DTNA: variants seen among roughly 807,000 people sequenced by gnomAD.
The protein encoded by DTNA is dystrophin-related protein 3.
DTNA carries 43 observed loss-of-function variants against 100.7 expected under a neutral mutation model. The observed-to-expected ratio is 0.43, with a 90% CI of 0.33 to 0.55. The LOEUF (loss-of-function observed/expected upper bound fraction) is 0.55, where lower values mean the gene tolerates loss of function less well. Among genes scored for constraint, DTNA ranks in the 20% least tolerant of loss-of-function variants. The pLI is 0.04. For missense variants in DTNA, 798 were observed against 953.9 expected (o/e 0.84, Z 2.15); for synonymous variants, 349 against 347.9 (o/e 1.00, Z -0.04).
rs623966 is a variant in DTNA, at chr18:34,881,932, A to G, written c.2163-137A>G. 0.19 allele frequency: 218,879 copies of G among 1,163,812 alleles called. 23,052 individuals are homozygous for G. The highest frequency in any genetic ancestry group is 0.36 in the African/African-American group (23,337 of 65,290). 72.1% of individuals were successfully genotyped at this position (1,163,812 alleles called of 1,614,324 possible). On this transcript the variant is annotated intron_variant, in intron 20 of 22. Transcript: ENST00000444659. ...TGTTTCCAAGTTTTTTTTAGGTATT[A>G]CTAAAGAAGACATGAAAGTGACTTG...
At chr18:34,846,445 C>T (rs947717133) in intron 13 of DTNA, among the ~76,000 whole-genome samples, 2 of 152,094 alleles carry the variant, frequency 1.3e-5, no homozygotes, top group Non-Finnish European at 2.9e-5. Context: ...TACATTATCT[C>T]ATTTGAGCAA....
rs1462269448 is a variant in DTNA at position 34,879,537 on chromosome 18, A to G, written c.1994-14A>G. On this transcript the variant is annotated splice_polypyrimidine_tract_variant and intron_variant, in intron 19 of 22. Coordinates refer to ENST00000444659, the MANE Select transcript of DTNA (RefSeq NM_001386795.1). ...TAACGAGTCATTCTTTATTTCTTCA[A>G]TTGTATCTGCTAGAGGTTGGGAGTG... 6.2e-7 allele frequency: 1 copy of G among 1,613,804 alleles called. No homozygotes were observed. The highest frequency in any genetic ancestry group is 8.5e-7 in the Non-Finnish European group (1 of 1,179,896).
At chr18:34,634,798 C>T (rs568114940) in intron 1 of DTNA, among the ~76,000 whole-genome samples, 2 of 152,206 alleles carry the variant, frequency 1.3e-5, no homozygotes, top group South Asian at 4.1e-4. Context: ...CTAACATATG[C>T]ACTACCTCCT....
intron 1 of DTNA, among the ~76,000 whole-genome samples, chr18:34,712,919 A>G (rs1407128646): frequency 2.0e-5 from 3 of 152,154 alleles, no homozygotes; most frequent in African/African-American, 7.2e-5. Flanking sequence ...CTAAAAAATT[A>G]ATGATATTTA....
At chr18:34,868,274 T>A in intron 17 of DTNA, 1 of 239,964 alleles carries the variant, frequency 4.2e-6, no homozygotes, top group African/African-American at 2.3e-5. Context: ...GGGAGCTTTA[T>A]AGGAGTACTG....
chr18:34,519,858 A>G (rs1459420101), intron 1 of DTNA, among the ~76,000 whole-genome samples: 2 of 152,116 alleles, frequency 1.3e-5, no homozygotes, highest in Admixed American at 6.5e-5. Context: ...AGGTAAAGAA[A>G]GTTTTCTCAA....
At chr18:34,578,081 C>T (rs540781730) in intron 1 of DTNA, among the ~76,000 whole-genome samples, 102 of 152,082 alleles carry the variant, frequency 6.7e-4, no homozygotes, top group African/African-American at 2.1e-3. Flanking sequence ...TACATTCCCA[C>T]CAGCAGTGTA....
intron 1 of DTNA, among the ~76,000 whole-genome samples, chr18:34,728,655 C>A (rs1049957441): frequency 3.3e-5 from 5 of 152,130 alleles, no homozygotes; most frequent in African/African-American, 1.2e-4. Flanking sequence ...TCCAGAGGCC[C>A]AAAGGGCATC....
chr18:34,640,991 T>C (rs1258395055), intron 1 of DTNA, among the ~76,000 whole-genome samples: 1 of 152,128 alleles, frequency 6.6e-6, no homozygotes, highest in Non-Finnish European at 1.5e-5. Context: ...TATCATCAAT[T>C]TACATATCTA....
At chr18:34,592,178 A>G (rs1202917936) in intron 1 of DTNA, among the ~76,000 whole-genome samples, 2 of 152,126 alleles carry the variant, frequency 1.3e-5, no homozygotes, top group Admixed American at 1.3e-4. Flanking sequence ...CTTAGGGTTG[A>G]GATGTGTCCA....
At chr18:34,498,699 A>G (rs547530431) in intron 1 of DTNA, among the ~76,000 whole-genome samples, 10 of 152,186 alleles carry the variant, frequency 6.6e-5, no homozygotes, top group East Asian at 3.9e-4. Context: ...GGTTTTCTGA[A>G]CAGATTTGAT....
intron 1 of DTNA, among the ~76,000 whole-genome samples, chr18:34,753,999 T>C (rs2092597502): frequency 6.6e-6 from 1 of 152,212 alleles, no homozygotes; most frequent in Non-Finnish European, 1.5e-5. Context: ...TGTTACCAAA[T>C]TGATGAAGCT....
At chr18:34,707,848 GC>G (rs1301305715), upstream of DTNA, among the ~76,000 whole-genome samples, 39 of 152,086 alleles carry the variant, frequency 2.6e-4, no homozygotes, top group Non-Finnish European at 7.4e-5. Flanking sequence ...TTGCCTTTTT[GC>G]CTGGTCGGCC....
intron 17 of DTNA, among the ~76,000 whole-genome samples, chr18:34,864,312 G>T (rs955627060): frequency 6.7e-6 from 1 of 149,152 alleles, no homozygotes; most frequent in Non-Finnish European, 1.5e-5. Context: ...GTGCAGTGGC[G>T]CAGTCTCGGC....
chr18:34,532,776 G>GTGTA (rs2043278076), intron 1 of DTNA, among the ~76,000 whole-genome samples: 1 of 151,164 alleles, frequency 6.6e-6, no homozygotes, highest in South Asian at 2.1e-4. Flanking sequence ...ATATATGTGT[G>GTGTA]TGTGTGTATG....
intron 2 of DTNA, 21 bp downstream of exon 2, chr18:34,756,064 G>A (rs552056233): frequency 8.7e-6 from 14 of 1,608,844 alleles, no homozygotes; most frequent in Admixed American, 8.3e-5. Flanking sequence ...ATCTTTTAAG[G>A]AACACCCTAT....
intron 3 of DTNA, among the ~76,000 whole-genome samples, chr18:34,793,142 C>T (rs9961202): frequency 0.15 from 22,767 of 152,168 alleles, 2,083 homozygotes; most frequent in African/African-American, 0.26. Flanking sequence ...TTATTAAGAA[C>T]TGAAGTTTGC....
intron 16 of DTNA, among the ~76,000 whole-genome samples, chr18:34,862,295 TG>T (rs988295825): frequency 4.6e-5 from 7 of 151,836 alleles, no homozygotes; most frequent in Non-Finnish European, 1.0e-4. Flanking sequence ...TCTCATCCTC[TG>T]GATTCAGAAA....
At chr18:34,746,346 G>A (rs932146149) in intron 1 of DTNA, among the ~76,000 whole-genome samples, 9 of 152,026 alleles carry the variant, frequency 5.9e-5, no homozygotes, top group Non-Finnish European at 1.2e-4. Flanking sequence ...TGATCAGAAG[G>A]CAGTCATTTC....
Sources: gnomAD v4.1 joint callset for allele counts (sites outside exome capture counted in the v4.1 genomes callset) on GRCh38, gnomAD v4.1.1 for gene constraint, MANE v1.5 for transcripts, NCBI Gene and HGNC (gene_info 2026-07-23, HGNC 2026-07-21) for gene names.